MLLT1: variants seen among roughly 807,000 people sequenced by gnomAD.
MLLT1 encodes protein ENL.
Under a neutral mutation model 55.1 loss-of-function variants are expected in MLLT1, and 11 were observed. The observed-to-expected ratio is 0.20, with a 90% CI of 0.13 to 0.33. MLLT1 has a LOEUF of 0.33. Ranked by LOEUF, MLLT1 falls within the 10% of genes least tolerant of loss-of-function variation. The pLI is 1.00. For synonymous variants in MLLT1, 323 were observed against 320.1 expected, an observed-to-expected ratio of 1.01 and a Z score of -0.10; for missense variants, 536 against 760.6, an observed-to-expected ratio of 0.70 and a Z score of 3.47.
chr19:6,221,066 C>A lies in MLLT1; in HGVS notation c.1110+1055G>T, dbSNP rs530722994. Reference sequence around the variant, plus strand: ...GCCAGCCCCACCACCTCCATGAGGGCCCTGGGGGCAATGAGCGCTGCCCAC... The same window carrying A: ...GCCAGCCCCACCACCTCCATGAGGGACCTGGGGGCAATGAGCGCTGCCCAC... On this transcript the variant is annotated intron_variant, in intron 6 of 11. Transcript: ENST00000252674. 2.6e-5 allele frequency among the ~76,000 whole-genome samples: 4 copies of A among 152,330 alleles called. No homozygotes were observed. In the East Asian group the frequency reaches 5.8e-4, roughly 22 times the overall value.
intron 5 of MLLT1, among the ~76,000 whole-genome samples, chr19:6,224,139 A>AGCT (rs1295286213): frequency 4.6e-5 from 7 of 152,232 alleles, no homozygotes; most frequent in African/African-American, 1.4e-4. Flanking sequence ...GGGCAGACAC[A>AGCT]GCTGCTGCCC....
intron 3 of MLLT1, among the ~76,000 whole-genome samples, chr19:6,236,633 G>T (rs2091063652): frequency 6.6e-6 from 1 of 152,214 alleles, no homozygotes; most frequent in Non-Finnish European, 1.5e-5. Context: ...CGGCCAGTGA[G>T]TCACGGGCAC....
In MLLT1 at chr19:6,210,543, G is replaced by A. The variant is rs1445981382; in HGVS notation, c.*2499C>T. ...ATCCAGGAGTTGGTCTCGGGCCGATGAGTGTCCTAGTTCCTAGTGAGACAC... is the reference window on the plus strand; with the variant it reads ...ATCCAGGAGTTGGTCTCGGGCCGATAAGTGTCCTAGTTCCTAGTGAGACAC... On this transcript the variant is annotated 3_prime_UTR_variant, in exon 12 of 12. Transcript: ENST00000252674. This position sits in a 1 kb window ranked among gnomAD's most constrained non-coding sequence, Gnocchi z 4.6. 1 of 219,410 alleles carries A rather than the reference G, an allele frequency of 4.6e-6. No homozygotes were observed. The highest frequency in any genetic ancestry group is 9.2e-6 in the Non-Finnish European group (1 of 109,228). 13.6% of individuals were successfully genotyped at this position (219,410 alleles called of 1,614,324 possible).
chr19:6,220,586 G>A (rs535556974), intron 6 of MLLT1, among the ~76,000 whole-genome samples: 8 of 152,354 alleles, frequency 5.3e-5, no homozygotes, highest in Admixed American at 3.9e-4. Flanking sequence ...ACTCACTGCC[G>A]GGGGCCAGGC....
rs1036754467 is a variant in MLLT1, at chr19:6,212,259, C to CG, written c.*782dup. On this transcript the variant is annotated 3_prime_UTR_variant, in exon 12 of 12. Transcript: ENST00000252674. ...CCTTTGTAGTGTTGGCTGACCCCCC[C>CG]GGGAGCCCCGGTAGGAGGCGGCGGC... 48 of 1,064,886 alleles carry CG rather than the reference C, an allele frequency of 4.5e-5. 1 individual carries two copies. Among genetic ancestry groups the CG allele is most frequent in the Non-Finnish European group, 4.9e-5 (43 of 879,256 alleles). The allele number at this position is 1,064,886 out of a possible 1,614,324, so 66.0% of individuals were successfully genotyped here. A position where few individuals can be genotyped will look rare whatever the true frequency, so the allele number is the denominator to read the frequency against.
chr19:6,247,908 T>A (rs2091182909), intron 3 of MLLT1, among the ~76,000 whole-genome samples: 1 of 148,990 alleles, frequency 6.7e-6, no homozygotes, highest in Admixed American at 6.6e-5. Context: ...TTGTTTTTTG[T>A]GAGACAGAGT....
chr19:6,272,121 A>C (rs1403622647), intron 1 of MLLT1, among the ~76,000 whole-genome samples: 7 of 121,754 alleles, frequency 5.7e-5, no homozygotes, highest in Admixed American at 1.1e-4. Context: ...ACGGCTTGTC[A>C]CTCCCTCAGA....
intron 6 of MLLT1, among the ~76,000 whole-genome samples, chr19:6,221,629 G>T (rs1366265251): frequency 6.6e-6 from 1 of 152,216 alleles, no homozygotes; most frequent in Non-Finnish European, 1.5e-5. Context: ...AGCCGGGCAC[G>T]GACCTGTTGC....
At position 6,273,842 on chromosome 19, in the gene MLLT1, G is replaced by T. The variant is rs1425897685; in HGVS notation, c.13-3083C>A. On this transcript the variant is annotated intron_variant, in intron 1 of 11. Transcript: ENST00000252674. This position sits in a 1 kb window ranked among gnomAD's most constrained non-coding sequence, Gnocchi z 4.3. Reference sequence around the variant, plus strand: ...CCACTCAGACCTCGGCCGACTTCCCGGCATTTCTGATGACAGGGAGTTCCT... The same window carrying T: ...CCACTCAGACCTCGGCCGACTTCCCTGCATTTCTGATGACAGGGAGTTCCT... 6.6e-6 allele frequency among the ~76,000 whole-genome samples: 1 copy of T among 152,192 alleles called. No individual in the cohort carries two copies. The highest frequency in any genetic ancestry group is 1.5e-5 in the Non-Finnish European group (1 of 68,034).
chr19:6,246,829 T>A (rs1327852695), intron 3 of MLLT1, among the ~76,000 whole-genome samples: 3 of 152,164 alleles, frequency 2.0e-5, no homozygotes, highest in Non-Finnish European at 2.9e-5. Flanking sequence ...CGAAGCTAAC[T>A]GTATTACAAA....
chr19:6,262,705 C>T lies in MLLT1; in HGVS notation c.194-395G>A, dbSNP rs547648187. On this transcript the variant is annotated intron_variant, in intron 2 of 11. Transcript: ENST00000252674. The surrounding 1 kb of genome is among the most constrained non-coding windows in gnomAD (Gnocchi z 4.4). ...GAGGTGTGAAACCCAGCAGGGAGGG[C>T]CACACACTCTACTGTCACCACCTCC... Among the ~76,000 whole-genome samples, 1 of 152,126 alleles carries T rather than the reference C, an allele frequency of 6.6e-6. No individual in the cohort carries two copies. The highest frequency in any genetic ancestry group is 2.4e-5 in the African/African-American group (1 of 41,468).
rs915422236 is a variant in MLLT1, at chr19:6,273,741, A to G, written c.13-2982T>C. The stretch of plus-strand genomic sequence containing the variant: ...TGGGAACAGCACCAGGATGCGGGAG[A>G]ACGACCCCTGCTTCTGTGGAGCTGA... On this transcript the variant is annotated intron_variant, in intron 1 of 11. Coordinates refer to ENST00000252674, the MANE Select transcript of MLLT1 (RefSeq NM_005934.4). The surrounding 1 kb of genome is among the most constrained non-coding windows in gnomAD (Gnocchi z 4.3). Among the ~76,000 whole-genome samples the G allele has an allele frequency of 6.6e-6, 1 of 152,172 alleles. No individual in the cohort carries two copies. Among genetic ancestry groups the G allele is most frequent in the Non-Finnish European group, 1.5e-5 (1 of 68,034 alleles).
intron 5 of MLLT1, among the ~76,000 whole-genome samples, chr19:6,223,392 G>A (rs1291629644): frequency 6.6e-6 from 1 of 152,178 alleles, no homozygotes; most frequent in Non-Finnish European, 1.5e-5. Context: ...TCTCTGCCTC[G>A]GAAACCCCGG....
At chr19:6,213,443 G>C (rs1166002014) in intron 10 of MLLT1, 35 bp from the exon 11 acceptor site, 15 of 1,541,442 alleles carry the variant, frequency 9.7e-6, no homozygotes, top group Non-Finnish European at 1.3e-5. Flanking sequence ...CAGCGTGTGG[G>C]GGCCCTGGAC....
Position 6,222,360 on chromosome 19 carries a change from C to T in MLLT1, c.871G>A (p.Asp291Asn), listed in dbSNP as rs1318113049. The change falls in exon 6 of 12, where the codon GAC (aspartate) becomes AAC (asparagine). Residue 291 changes from aspartate to asparagine, a missense_variant. Asp to Asn is a conservative substitution (Grantham distance 23, BLOSUM62 1). Coordinates refer to ENST00000252674, the MANE Select transcript of MLLT1 (RefSeq NM_005934.4). The surrounding 1 kb of genome is among the most constrained non-coding windows in gnomAD (Gnocchi z 4.1). Reference sequence around the variant, plus strand: ...TTCTTGGCGCTGGGCTTTGGCGAGTCGGCGGTGGCCGGCCGCTTGCTGGAA... The same window carrying T: ...TTCTTGGCGCTGGGCTTTGGCGAGTTGGCGGTGGCCGGCCGCTTGCTGGAA... ...RASSKRPATA[D>N]SPKPSAKKQK... The T allele has an allele frequency of 2.8e-6, 4 of 1,410,984 alleles. No homozygotes were observed. Among genetic ancestry groups the T allele is most frequent in the Middle Eastern group, 2.5e-4 (1 of 3,936 alleles). The allele number at this position is 1,410,984 out of a possible 1,614,324, so 87.4% of individuals were successfully genotyped here.
Position 6,231,326 on chromosome 19 carries a change from G to A in MLLT1, c.277-613C>T, listed in dbSNP as rs2091008143. Among the ~76,000 whole-genome samples the A allele has an allele frequency of 6.6e-6, 1 of 152,160 alleles. No homozygotes were observed. The highest frequency in any genetic ancestry group is 6.5e-5 in the Admixed American group (1 of 15,278). The stretch of plus-strand genomic sequence containing the variant: ...GCAGGCGCTGATGGATTTTCCGCAC[G>A]AAGGTGTGAGGAGTTGACAGGGTGG... On this transcript the variant is annotated intron_variant, in intron 3 of 11. Coordinates refer to ENST00000252674, the MANE Select transcript of MLLT1 (RefSeq NM_005934.4). The surrounding 1 kb of genome is among the most constrained non-coding windows in gnomAD (Gnocchi z 5.1).
chr19:6,258,413 G>T (rs1214919051), intron 3 of MLLT1, among the ~76,000 whole-genome samples: 2 of 152,202 alleles, frequency 1.3e-5, no homozygotes, highest in Non-Finnish European at 2.9e-5. Flanking sequence ...CAGCAGAAAG[G>T]TTGAGCTGCC....
intron 3 of MLLT1, among the ~76,000 whole-genome samples, chr19:6,238,131 C>T (rs967144366): frequency 6.6e-6 from 1 of 152,170 alleles, no homozygotes; most frequent in African/African-American, 2.4e-5. Flanking sequence ...GAAGCTCCAA[C>T]CTTACTTGAA....
At chr19:6,255,790 A>G (rs2091251980) in intron 3 of MLLT1, among the ~76,000 whole-genome samples, 1 of 152,228 alleles carries the variant, frequency 6.6e-6, no homozygotes, top group South Asian at 2.1e-4. Context: ...GAAGAGGGAA[A>G]AACAAAACAC....
Sources: gnomAD v4.1 joint callset for allele counts (sites outside exome capture counted in the v4.1 genomes callset) on GRCh38, gnomAD v4.1.1 for gene constraint, Gnocchi (gnomAD v3.1) non-coding constraint, MANE v1.5 for transcripts, NCBI Gene and HGNC (gene_info 2026-07-23, HGNC 2026-07-21) for gene names.